The following WDR41 variants were observed in gnomAD, a reference collection of about 807,000 sequenced individuals.
WDR41 encodes WD repeat-containing protein 41.
A neutral mutation model predicts 69.3 loss-of-function variants in WDR41; 63 were observed. The observed-to-expected ratio is 0.91, with a 90% confidence interval of 0.74 to 1.12. The LOEUF is 1.12. Ranked by LOEUF, WDR41 falls within the 50% of genes most tolerant of loss-of-function variation. WDR41 has a pLI of 0.00. For missense variants in WDR41, 543 were observed against 534.5 expected, an observed-to-expected ratio of 1.02 and a Z score of -0.16; for synonymous variants, 185 against 192.1, an observed-to-expected ratio of 0.96 and a Z score of 0.31.
At chr5:77,448,066 C>T (rs988926881) in intron 8 of WDR41, among the ~76,000 whole-genome samples, 2 of 152,164 alleles carry the variant, frequency 1.3e-5, no homozygotes. Context: ...AAAAGACATG[C>T]CATGAAGTTC....
intron 1 of WDR41, among the ~76,000 whole-genome samples, chr5:77,548,159 G>A (rs868296503): frequency 3.2e-4 from 49 of 152,150 alleles, no homozygotes; most frequent in African/African-American, 1.2e-3. Context: ...TTAAATCTAA[G>A]ACCTGAAACT....
chr5:77,502,291 T>A (rs1802028699), intron 1 of WDR41, among the ~76,000 whole-genome samples: 1 of 151,330 alleles, frequency 6.6e-6, no homozygotes, highest in Admixed American at 6.6e-5. Flanking sequence ...ATCAAATTAA[T>A]GAAATAAAGT....
In WDR41 at chr5:77,432,977, T is replaced by G; in HGVS notation, c.*158A>C. On this transcript the variant is annotated 3_prime_UTR_variant, in exon 13 of 13. Coordinates refer to ENST00000296679, the MANE Select transcript of WDR41 (RefSeq NM_018268.4). ...TACTAGGACCTGAGAAGCAACATGTTCCTGGTTGGTAGGTCCACAAAAAAT... is the reference window on the plus strand; with the variant it reads ...TACTAGGACCTGAGAAGCAACATGTGCCTGGTTGGTAGGTCCACAAAAAAT... The G allele has an allele frequency of 1.4e-6, 1 of 705,822 alleles. No homozygotes were observed. Among genetic ancestry groups the G allele is most frequent in the East Asian group, 2.8e-5 (1 of 35,240 alleles). The allele number at this position is 705,822 out of a possible 1,614,324, so 43.7% of individuals were successfully genotyped here. A position where few individuals can be genotyped will look rare whatever the true frequency, so the allele number is the denominator to read the frequency against.
At chr5:77,474,825 A>G (rs964045203) in intron 2 of WDR41, among the ~76,000 whole-genome samples, 1 of 152,178 alleles carries the variant, frequency 6.6e-6, no homozygotes, top group Admixed American at 6.5e-5. Flanking sequence ...AAGATGGCCC[A>G]ATAGGAACAG....
intron 1 of WDR41, among the ~76,000 whole-genome samples, chr5:77,547,015 C>CA (rs1369025238): frequency 6.6e-6 from 1 of 152,046 alleles, no homozygotes; most frequent in Non-Finnish European, 1.5e-5. Context: ...GAATTAAAAA[C>CA]AAAAATCACA....
intron 2 of WDR41, among the ~76,000 whole-genome samples, chr5:77,465,755 G>C (rs865882537): frequency 2.6e-4 from 39 of 150,832 alleles, no homozygotes; most frequent in African/African-American, 9.5e-4. Context: ...GAAAGAAGTG[G>C]TGTTAAAGAG....
intron 5 of WDR41, among the ~76,000 whole-genome samples, chr5:77,455,005 A>G (rs1235662264): frequency 6.6e-6 from 1 of 152,202 alleles, no homozygotes; most frequent in Admixed American, 6.5e-5. Flanking sequence ...ACATTTTCAT[A>G]TCTCTTGGGG....
chr5:77,516,117 A>G (rs1311305658), intron 1 of WDR41, among the ~76,000 whole-genome samples: 1 of 152,216 alleles, frequency 6.6e-6, no homozygotes, highest in Non-Finnish European at 1.5e-5. Context: ...TGTGACAAGC[A>G]GTGAAATGGT....
intron 1 of WDR41, among the ~76,000 whole-genome samples, chr5:77,576,145 T>TA (rs1374349713): frequency 6.6e-6 from 1 of 152,102 alleles, no homozygotes; most frequent in Non-Finnish European, 1.5e-5. Context: ...AACGCACCCT[T>TA]ACTCTCTTTC....
chr5:77,476,303 G>C (rs1800928062), intron 2 of WDR41, among the ~76,000 whole-genome samples: 1 of 151,288 alleles, frequency 6.6e-6, no homozygotes, highest in South Asian at 2.1e-4. Flanking sequence ...CCAACATTCA[G>C]ATTCAGGAAA....
At chr5:77,519,273 A>C (rs1802337932) in intron 1 of WDR41, among the ~76,000 whole-genome samples, 1 of 151,948 alleles carries the variant, frequency 6.6e-6, no homozygotes, top group Admixed American at 6.6e-5. Flanking sequence ...ACCTCCTATA[A>C]ATTATTTTCA....
chr5:77,435,946 T>C (rs929884876), intron 12 of WDR41, among the ~76,000 whole-genome samples: 2 of 152,240 alleles, frequency 1.3e-5, no homozygotes, highest in Non-Finnish European at 1.5e-5. Context: ...CAACCCTTCA[T>C]GCATCCTCTG....
chr5:77,595,862 T>C (rs969626401), intron 1 of WDR41, among the ~76,000 whole-genome samples: 12 of 152,230 alleles, frequency 7.9e-5, no homozygotes, highest in Admixed American at 7.9e-4. Flanking sequence ...TTATGGAACA[T>C]CAGTTTAACT....
rs1459984647 is a variant in WDR41, at chr5:77,542,994, C to G, written c.43-53422G>C. Among the ~76,000 whole-genome samples the G allele has an allele frequency of 2.6e-5, 4 of 152,246 alleles. No individual in the cohort carries two copies. In the South Asian group the frequency reaches 8.3e-4, roughly 32 times the overall value. ...ACATCACAGTACTCTGTGCAGATAACCCCCACTACCAGCCCAGAGCCTGGT... is the reference window on the plus strand; with the variant it reads ...ACATCACAGTACTCTGTGCAGATAAGCCCCACTACCAGCCCAGAGCCTGGT... On this transcript the variant is annotated intron_variant, in intron 1 of 5. Coordinates refer to the WDR41 transcript ENST00000509971.
intron 1 of WDR41, among the ~76,000 whole-genome samples, chr5:77,574,079 C>G (rs1002380136): frequency 9.2e-5 from 14 of 152,108 alleles, no homozygotes; most frequent in African/African-American, 3.4e-4. Flanking sequence ...AGGCGAATCA[C>G]CTGAGGCCAG....
chr5:77,473,275 C>A (rs1381631108), intron 2 of WDR41, among the ~76,000 whole-genome samples: 1 of 152,154 alleles, frequency 6.6e-6, no homozygotes. Context: ...CTTCCTTACA[C>A]CTTCTACAAA....
Position 77,481,039 on chromosome 5 carries a change from T to TG in WDR41, c.167+8417dup, listed in dbSNP as rs1801214290. Reference sequence around the variant, plus strand: ...GGGTTTTCTGGGTTGTTTTTTTTTTTGAGACAAAGTCTCGCCCTGTTGCCC... The same window carrying TG: ...GGGTTTTCTGGGTTGTTTTTTTTTTTGGAGACAAAGTCTCGCCCTGTTGCCC... On this transcript the variant is annotated intron_variant, in intron 2 of 12. Transcript: ENST00000296679. Among the ~76,000 whole-genome samples, 5 of 151,458 alleles carry TG rather than the reference T, an allele frequency of 3.3e-5. No homozygotes were observed. The South Asian group carries it at 1.0e-3, about 32-fold the overall frequency.
intron 4 of WDR41, among the ~76,000 whole-genome samples, chr5:77,461,608 C>T (rs1011274871): frequency 1.3e-5 from 2 of 152,038 alleles, no homozygotes; most frequent in Non-Finnish European, 2.9e-5. Context: ...GATGCCAAGG[C>T]GGGCAGATCA....
chr5:77,506,393 G>A (rs1802108807), intron 1 of WDR41, among the ~76,000 whole-genome samples: 1 of 152,168 alleles, frequency 6.6e-6, no homozygotes, highest in Non-Finnish European at 1.5e-5. Flanking sequence ...AACAACAAAT[G>A]CTGGAGAGGA....
Sources: gnomAD v4.1 joint callset for allele counts (sites outside exome capture counted in the v4.1 genomes callset) on GRCh38, gnomAD v4.1.1 for gene constraint, MANE v1.5 for transcripts, NCBI Gene and HGNC (gene_info 2026-07-23, HGNC 2026-07-21) for gene names.